NCAPG: variants seen among roughly 807,000 people sequenced by gnomAD.
NCAPG encodes condensin complex subunit 3.
Under a neutral mutation model 113.1 loss-of-function variants are expected in NCAPG, and 69 were observed. The observed-to-expected ratio is 0.61, with a 90% CI of 0.50 to 0.75. The LOEUF is 0.75. Ranked by LOEUF, NCAPG falls within the 30% of genes least tolerant of loss-of-function variation. The pLI is 0.00. For synonymous variants in NCAPG, 370 were observed against 415.8 expected (o/e 0.89, Z 1.34); for missense variants, 1,058 against 1,177.0 (o/e 0.90, Z 1.48).
chr4:17,844,347 G>T lies in NCAPG; in HGVS notation c.*922G>T, dbSNP rs1414932538. 6.6e-6 allele frequency: 1 copy of T among 152,270 alleles called. No individual in the cohort carries two copies. The highest frequency in any genetic ancestry group is 1.5e-5 in the Non-Finnish European group (1 of 67,838). 9.4% of individuals were successfully genotyped at this position (152,270 alleles called of 1,614,324 possible). ...AAACACCTTTTCTCTTTATTATTCA[G>T]AAATGTCCTAACATGGATCTGTTTG... is the stretch of plus-strand genomic sequence containing the variant. On this transcript the variant is annotated 3_prime_UTR_variant, in exon 21 of 21. Coordinates refer to ENST00000251496, the MANE Select transcript of NCAPG (RefSeq NM_022346.5).
chr4:17,812,424 G>T lies in NCAPG; in HGVS notation c.315G>T (p.Lys105Asn), dbSNP rs1366389320. The change falls in exon 2 of 21, where the codon AAG becomes AAT. Residue 105 changes from lysine to asparagine, a missense_variant and splice_region_variant. Transcript: ENST00000251496. ...ATTATTTGTTTACTTTTCTCTTAAAGGTACTATGAAAATGATAGCTTTGGG... is the reference window on the plus strand; with the variant it reads ...ATTATTTGTTTACTTTTCTCTTAAATGTACTATGAAAATGATAGCTTTGGG... ...LLNYLFTFLL[K>N]SHEANSNAVR... 1.2e-6 allele frequency: 2 copies of T among 1,611,686 alleles called. No individual in the cohort carries two copies. The highest frequency in any genetic ancestry group is 1.7e-6 in the Non-Finnish European group (2 of 1,178,242).
In NCAPG at chr4:17,811,211, G is replaced by A. The variant is rs1294377425; in HGVS notation, c.111+23G>A. ...ACGGTAAGCGCTCCCGGCCCCGGCC[G>A]CCGCCTCTCGCCCGCCCCGGCCCAC... On this transcript the variant is annotated intron_variant, in intron 1 of 20. Transcript: ENST00000251496. The surrounding 1 kb of genome is among the most constrained non-coding windows in gnomAD (Gnocchi z 5.3). The A allele has an allele frequency of 6.4e-6, 9 of 1,396,772 alleles. No individual in the cohort carries two copies. Among genetic ancestry groups the A allele is most frequent in the African/African-American group, 4.5e-5 (3 of 66,326 alleles). 86.5% of individuals were successfully genotyped at this position (1,396,772 alleles called of 1,614,324 possible). A position where few individuals can be genotyped will look rare whatever the true frequency, so the allele number is the denominator to read the frequency against.
rs1245131843 is a variant in NCAPG at position 17,834,386 on chromosome 4, A to G, written c.1972A>G (p.Lys658Glu). ...GATGACGTTCGGGATTGAACCATTT[A>G]AAACTAAAAAAATCAAAACACTTCA... ...QLMTFGIEPFKTKKIKTLHCE... is the reference protein window; with the variant it reads ...QLMTFGIEPFETKKIKTLHCE... Residue 658 changes from lysine (K) to glutamate (E), a missense_variant, in exon 14 of 21, where the codon AAA becomes GAA. Physicochemically the swap from Lys to Glu is moderately conservative, Grantham distance 56 (BLOSUM62 1). Coordinates refer to ENST00000251496, the MANE Select transcript of NCAPG (RefSeq NM_022346.5). 1 of 1,610,746 alleles carries G rather than the reference A, an allele frequency of 6.2e-7. No individual in the cohort carries two copies. The highest frequency in any genetic ancestry group is 1.3e-5 in the African/African-American group (1 of 74,848).
intron 3 of NCAPG, among the ~76,000 whole-genome samples, chr4:17,813,699 TC>T (rs1721086832): frequency 6.6e-6 from 1 of 152,190 alleles, no homozygotes; most frequent in African/African-American, 2.4e-5. Flanking sequence ...CTTTGGGGTA[TC>T]TTTTTTTTGA....
At position 17,823,064 on chromosome 4, in the gene NCAPG, C is replaced by A. The variant is rs1203164112; in HGVS notation, c.1200C>A (p.Phe400Leu). ...TTGGAAATTTGATGACAAAAGAATT[C>A]ATAGGTCAACAATTGATTCTAATTA... ...SYIGNLMTKE[F>L]IGQQLILIIK... is the part of the protein sequence containing the mutation. Residue 400 changes from phenylalanine to leucine, a missense_variant, in exon 8 of 21, where the codon TTC becomes TTA. Phe to Leu is a conservative substitution (Grantham distance 22). Transcript: ENST00000251496. The A allele has an allele frequency of 3.1e-6, 5 of 1,608,874 alleles. No homozygotes were observed. Among genetic ancestry groups the A allele is most frequent in the African/African-American group, 1.3e-5 (1 of 74,642 alleles).
At chr4:17,816,381 CCACAGA>C (rs1008679842) in intron 5 of NCAPG, among the ~76,000 whole-genome samples, 4 of 152,218 alleles carry the variant, frequency 2.6e-5, no homozygotes, top group African/African-American at 9.6e-5. Flanking sequence ...TCCTAACAGG[CCACAGA>C]CTGGTACTAG....
chr4:17,842,476 T>C (rs1722506976), intron 20 of NCAPG, 97 bp downstream of exon 20: 1 of 923,860 alleles, frequency 1.1e-6, no homozygotes. Context: ...AGAGAGAATA[T>C]ATAACAAGAT....
intron 14 of NCAPG, among the ~76,000 whole-genome samples, chr4:17,835,719 T>A (rs1316057575): frequency 6.6e-6 from 1 of 152,262 alleles, no homozygotes; most frequent in East Asian, 1.9e-4. Flanking sequence ...AGTGGAATCA[T>A]ACAGTATGTG....
Position 17,834,397 on chromosome 4 carries a change from A to C in NCAPG, c.1983A>C (p.Lys661Asn). The change falls in exon 14 of 21, where the codon AAA becomes AAC. Residue 661 changes from lysine to asparagine, a missense_variant. Transcript: ENST00000251496. ...GGATTGAACCATTTAAAACTAAAAA[A>C]ATCAAAACACTTCATTGTGAAGGTA... ...TFGIEPFKTK[K>N]IKTLHCEGTE... 3 of 1,612,032 alleles carry C rather than the reference A, an allele frequency of 1.9e-6. No individual in the cohort carries two copies. Among genetic ancestry groups the C allele is most frequent in the African/African-American group, 1.3e-5 (1 of 74,986 alleles).
In NCAPG at chr4:17,810,981, C is replaced by T. The variant is rs1242393597; in HGVS notation, c.-97C>T. The T allele has an allele frequency of 1.6e-6, 1 of 631,162 alleles. No individual in the cohort carries two copies. The highest frequency in any genetic ancestry group is 2.6e-6 in the Non-Finnish European group (1 of 380,484). The allele number at this position is 631,162 out of a possible 1,614,324, so 39.1% of individuals were successfully genotyped here. On this transcript the variant is annotated 5_prime_UTR_variant, in exon 1 of 21. Coordinates refer to ENST00000251496, the MANE Select transcript of NCAPG (RefSeq NM_022346.5). ...AGCGGTAAATACTCCCTGGGGCTGTCATAGAAGACTACTCGGAGAGCGCTG... is the reference window on the plus strand; with the variant it reads ...AGCGGTAAATACTCCCTGGGGCTGTTATAGAAGACTACTCGGAGAGCGCTG...
At position 17,811,174 on chromosome 4, in the gene NCAPG, CG is replaced by C; in HGVS notation, c.98del (p.Arg33ProfsTer36). The C allele has an allele frequency of 6.7e-7, 1 of 1,485,414 alleles. No individual in the cohort carries two copies. Among genetic ancestry groups the C allele is most frequent in the Non-Finnish European group, 9.0e-7 (1 of 1,113,224 alleles). 92.0% of individuals were successfully genotyped at this position (1,485,414 alleles called of 1,614,324 possible). A position where few individuals can be genotyped will look rare whatever the true frequency, so the allele number is the denominator to read the frequency against. On this transcript the variant is annotated frameshift_variant, in exon 1 of 21. Transcript: ENST00000251496. LOFTEE classifies it high-confidence loss of function. The surrounding 1 kb of genome is among the most constrained non-coding windows in gnomAD (Gnocchi z 5.3). ...NQAKLVVALS[R>X]TYRTMDDKTV... ...GGCGAAGCTGGTGGTGGCGCTGAGC[CG>C]CACCTACCGCACGGTAAGCGCTCCC... is the stretch of plus-strand genomic sequence containing the variant.
chr4:17,830,166 G>A (rs185949647), intron 12 of NCAPG, among the ~76,000 whole-genome samples: 34 of 152,174 alleles, frequency 2.2e-4, no homozygotes, highest in Admixed American at 9.2e-4. Flanking sequence ...AGGCCAAGGC[G>A]GGATGGCTTG....
rs1465062378 is a variant in NCAPG, at chr4:17,840,156, C to T, written c.2714C>T (p.Ala905Val). ...GGAAATAAAGAATTTGGTGACCAAG[C>T]TGAAGCAGCACAGGATGCCACCTTG... ...EKGNKEFGDQ[A>V]EAAQDATLTT... is the part of the protein sequence containing the mutation. Residue 905 changes from alanine to valine, a missense_variant, in exon 18 of 21, where the codon GCT (alanine) becomes GTT (valine). Ala to Val is a moderately conservative substitution (Grantham distance 64). Coordinates refer to ENST00000251496, the MANE Select transcript of NCAPG (RefSeq NM_022346.5). 3 of 1,611,682 alleles carry T rather than the reference C, an allele frequency of 1.9e-6. No homozygotes were observed. The highest frequency in any genetic ancestry group is 2.5e-6 in the Non-Finnish European group (3 of 1,178,952).
chr4:17,833,711 T>C (rs1273498681), intron 13 of NCAPG, among the ~76,000 whole-genome samples: 1 of 151,986 alleles, frequency 6.6e-6, no homozygotes, highest in East Asian at 1.9e-4. Flanking sequence ...AAACTTAAGA[T>C]AGACTCATAC....
At position 17,813,160 on chromosome 4, in the gene NCAPG, C is replaced by T. The variant is rs775853054; in HGVS notation, c.544+15C>T. ...AGTGGTTAATGGTGTGTGTAGTTTC[C>T]TAAATCTTTTTTCAGATTTGTTGAT... is the stretch of plus-strand genomic sequence containing the variant. On this transcript the variant is annotated intron_variant, in intron 3 of 20. Coordinates refer to ENST00000251496, the MANE Select transcript of NCAPG (RefSeq NM_022346.5). 6.4e-7 allele frequency: 1 copy of T among 1,568,750 alleles called. No individual in the cohort carries two copies. The highest frequency in any genetic ancestry group is 1.4e-5 in the African/African-American group (1 of 72,450).
chr4:17,841,468 A>G (rs1438254689), intron 19 of NCAPG: 1 of 151,966 alleles, frequency 6.6e-6, no homozygotes, highest in Non-Finnish European at 1.5e-5. Flanking sequence ...AATTAGTCCC[A>G]TATTGTTGGA....
intron 13 of NCAPG, among the ~76,000 whole-genome samples, chr4:17,831,358 G>C (rs138316898): frequency 6.6e-6 from 1 of 152,128 alleles, no homozygotes; most frequent in Non-Finnish European, 1.5e-5. Flanking sequence ...TATTGAGTGC[G>C]TATTATGTGC....
At chr4:17,831,139 T>G (rs1253356341) in intron 13 of NCAPG, 23 bp downstream of exon 13, 2 of 1,609,028 alleles carry the variant, frequency 1.2e-6, no homozygotes, top group South Asian at 2.2e-5. Context: ...TTGTGATAAA[T>G]CTCAACTGTA....
chr4:17,811,608 A>G lies in NCAPG; in HGVS notation c.111+420A>G, dbSNP rs902966622. 6.6e-6 allele frequency among the ~76,000 whole-genome samples: 1 copy of G among 152,228 alleles called. No individual in the cohort carries two copies. Among genetic ancestry groups the G allele is most frequent in the Non-Finnish European group, 1.5e-5 (1 of 68,030 alleles). ...CTGGGGTCATCGCTCCCCGCCGAAC[A>G]TCAAATGATTCTACCCTTGTCCTAC... On this transcript the variant is annotated intron_variant, in intron 1 of 20. Coordinates refer to ENST00000251496, the MANE Select transcript of NCAPG (RefSeq NM_022346.5). The surrounding 1 kb of genome is among the most constrained non-coding windows in gnomAD (Gnocchi z 5.3).
Sources: allele counts gnomAD v4.1 joint callset (sites outside exome capture counted in the v4.1 genomes callset), GRCh38; gene constraint gnomAD v4.1.1; non-coding constraint Gnocchi (gnomAD v3.1); transcripts MANE v1.5; gene names NCBI Gene and HGNC (gene_info 2026-07-23, HGNC 2026-07-21).